CADPS: variants seen among roughly 807,000 people sequenced by gnomAD.
The protein encoded by CADPS is calcium dependent secretion activator.
CADPS carries 57 observed loss-of-function variants against 167.3 expected under a neutral mutation model. The ratio of observed to expected loss-of-function variants is 0.34; its 90% CI spans 0.28 to 0.42. CADPS has a LOEUF of 0.42. CADPS is among the 20% of genes least tolerant of loss of function. The pLI is 1.00. For missense variants in CADPS, 1,414 were observed against 1,738.1 expected, an observed-to-expected ratio of 0.81 and a Z score of 3.32; for synonymous variants, 676 against 635.3, an observed-to-expected ratio of 1.06 and a Z score of -0.96.
intron 21 of CADPS, among the ~76,000 whole-genome samples, chr3:62,490,164 C>T (rs764175707): frequency 5.3e-5 from 8 of 152,148 alleles, no homozygotes; most frequent in Non-Finnish European, 1.0e-4. Flanking sequence ...CAAGTCAAGG[C>T]TTCCAAACTG....
At chr3:62,866,466 G>A (rs2081706683) in intron 1 of CADPS, among the ~76,000 whole-genome samples, 1 of 151,944 alleles carries the variant, frequency 6.6e-6, no homozygotes, top group Admixed American at 6.6e-5. Flanking sequence ...TCTAGTGAGT[G>A]ATAGGCATGT....
At chr3:62,603,418 T>C (rs907981900) in intron 6 of CADPS, among the ~76,000 whole-genome samples, 1 of 152,236 alleles carries the variant, frequency 6.6e-6, no homozygotes, top group African/African-American at 2.4e-5. Context: ...TCCAGTTGTT[T>C]AGCTCAGTGC....
intron 7 of CADPS, among the ~76,000 whole-genome samples, chr3:62,588,093 C>G (rs1489662860): frequency 2.6e-5 from 4 of 152,188 alleles, no homozygotes; most frequent in African/African-American, 9.7e-5. Flanking sequence ...CTCCAGCCAG[C>G]CGTGGCTTCT....
chr3:62,444,028 G>A (rs1205934683), intron 27 of CADPS, among the ~76,000 whole-genome samples: 2 of 152,072 alleles, frequency 1.3e-5, no homozygotes, highest in African/African-American at 4.8e-5. Context: ...TCACCAATAT[G>A]CCAATTTCAT....
chr3:62,783,853 G>C (rs986257635), intron 1 of CADPS, among the ~76,000 whole-genome samples: 3 of 126,078 alleles, frequency 2.4e-5, no homozygotes, highest in Non-Finnish European at 4.9e-5. Context: ...CACATGTATA[G>C]CATGGTATTA....
chr3:62,805,080 G>A (rs1382867907), intron 1 of CADPS, among the ~76,000 whole-genome samples: 1 of 152,146 alleles, frequency 6.6e-6, no homozygotes, highest in Non-Finnish European at 1.5e-5. Context: ...CCTAGGCATG[G>A]TGGGATATTT....
chr3:62,626,369 A>G (rs983974542), intron 6 of CADPS: 11 of 509,486 alleles, frequency 2.2e-5, no homozygotes, highest in Non-Finnish European at 3.5e-5. Flanking sequence ...AAACCATGGA[A>G]TGCTCTAGGA....
intron 3 of CADPS, among the ~76,000 whole-genome samples, chr3:62,716,068 CTT>C (rs144150851): frequency 0.55 from 82,569 of 150,842 alleles, 22,922 homozygotes; most frequent in East Asian, 0.74. Flanking sequence ...TTAAAAAACA[CTT>C]TTTTTTTGAG....
chr3:62,623,593 A>C (rs2063518354), intron 6 of CADPS, among the ~76,000 whole-genome samples: 1 of 152,178 alleles, frequency 6.6e-6, no homozygotes, highest in African/African-American at 2.4e-5. Context: ...ATTTACAATA[A>C]ATTCCTAGTC....
At chr3:62,751,746 G>A (rs758107682) in intron 3 of CADPS, among the ~76,000 whole-genome samples, 9 of 152,080 alleles carry the variant, frequency 5.9e-5, no homozygotes, top group Admixed American at 2.0e-4. Flanking sequence ...TTTTGGCTAA[G>A]AGTACAATCT....
At chr3:62,668,388 C>G (rs142553785) in intron 3 of CADPS, among the ~76,000 whole-genome samples, 105 of 152,174 alleles carry the variant, frequency 6.9e-4, no homozygotes, top group African/African-American at 2.4e-3. Context: ...CCACATCCTC[C>G]CCCAGTATGC....
chr3:62,873,288 G>A (rs2082967062), intron 1 of CADPS, among the ~76,000 whole-genome samples: 1 of 152,208 alleles, frequency 6.6e-6, no homozygotes, highest in African/African-American at 2.4e-5. Flanking sequence ...GATAAATACG[G>A]AAAACCTAAT....
intron 5 of CADPS, among the ~76,000 whole-genome samples, chr3:62,646,942 C>T (rs1454615688): frequency 6.6e-6 from 1 of 152,180 alleles, no homozygotes; most frequent in African/African-American, 2.4e-5. Flanking sequence ...AAGCCGGTGT[C>T]ATGATGGATC....
intron 13 of CADPS, among the ~76,000 whole-genome samples, chr3:62,529,542 G>A (rs2073160844): frequency 6.6e-6 from 1 of 152,168 alleles, no homozygotes. Context: ...AGTTACTGTT[G>A]CCTTGCAATC....
chr3:62,856,830 A>C (rs908578747), intron 1 of CADPS, among the ~76,000 whole-genome samples: 6 of 151,968 alleles, frequency 3.9e-5, no homozygotes, highest in African/African-American at 1.4e-4. Context: ...TCATTACACC[A>C]ATACAAATTT....
At chr3:62,599,946 T>C (rs1293268681) in intron 6 of CADPS, among the ~76,000 whole-genome samples, 1 of 108,356 alleles carries the variant, frequency 9.2e-6, no homozygotes, top group African/African-American at 3.6e-5. Context: ...ATATATATAA[T>C]GTACGATATA....
At chr3:62,639,335 C>G (rs916766610) in intron 6 of CADPS, among the ~76,000 whole-genome samples, 1 of 152,136 alleles carries the variant, frequency 6.6e-6, no homozygotes, top group Non-Finnish European at 1.5e-5. Context: ...TACATAATGT[C>G]TCTACGTAAA....
At chr3:62,647,274 G>T (rs2068801201) in intron 5 of CADPS, among the ~76,000 whole-genome samples, 2 of 152,258 alleles carry the variant, frequency 1.3e-5, no homozygotes, top group South Asian at 2.1e-4. Context: ...GTACAATAGG[G>T]TTAGCATTGA....
chr3:62,536,236 T>G lies in CADPS; in HGVS notation c.2103+209A>C, dbSNP rs181567132. ...AAGCTAAGATAGGGAGGCTGGGGAA[T>G]TGGATCTGTTTCTACTGATAACTTC... On this transcript the variant is annotated intron_variant, in intron 12 of 29. Coordinates refer to ENST00000383710, the MANE Select transcript of CADPS (RefSeq NM_003716.4). 47 of 443,024 alleles carry G rather than the reference T, an allele frequency of 1.1e-4. No homozygotes were observed. In the East Asian group the frequency reaches 1.3e-3, roughly 12 times the overall value. 27.4% of individuals were successfully genotyped at this position (443,024 alleles called of 1,614,324 possible). A position where few individuals can be genotyped will look rare whatever the true frequency, so the allele number is the denominator to read the frequency against.
Sources: allele counts gnomAD v4.1 joint callset (sites outside exome capture counted in the v4.1 genomes callset), GRCh38; gene constraint gnomAD v4.1.1; transcripts MANE v1.5; gene names NCBI Gene and HGNC (gene_info 2026-07-23, HGNC 2026-07-21).